Variants in WDR17 observed in about 807,000 individuals in gnomAD.
The protein encoded by WDR17 is WD repeat-containing protein 17.
Under a neutral mutation model 161.7 loss-of-function variants are expected in WDR17, and 143 were observed. That is an observed-to-expected ratio of 0.88 (90% confidence interval 0.77 to 1.02). The LOEUF (loss-of-function observed/expected upper bound fraction) is 1.02, where lower values mean the gene tolerates loss of function less well. WDR17 is among the 50% of genes least tolerant of loss of function. The pLI, the probability that WDR17 is intolerant of heterozygous loss-of-function variation, is 0.00. For synonymous variants in WDR17, 517 were observed against 515.6 expected, an observed-to-expected ratio of 1.00 and a Z score of -0.04; for missense variants, 1,469 against 1,520.9, an observed-to-expected ratio of 0.97 and a Z score of 0.57.
chr4:176,134,904 G>A (rs1349570259), intron 7 of WDR17, among the ~76,000 whole-genome samples: 4 of 151,586 alleles, frequency 2.6e-5, no homozygotes, highest in Non-Finnish European at 4.4e-5. Flanking sequence ...TAAAATCTAG[G>A]TCTGTACAAA....
chr4:176,124,190 A>G lies in WDR17; in HGVS notation c.539-914A>G, dbSNP rs536909170. Among the ~76,000 whole-genome samples, 6 of 152,332 alleles carry G rather than the reference A, an allele frequency of 3.9e-5. 1 individual carries two copies. Among genetic ancestry groups the G allele is most frequent in the African/African-American group, 1.4e-4 (6 of 41,580 alleles). Reference sequence around the variant, plus strand: ...TTTACGATACTTATGACTAATTGGTACTTTCTGTTAAGGCCGCAGTCTCTC... The same window carrying G: ...TTTACGATACTTATGACTAATTGGTGCTTTCTGTTAAGGCCGCAGTCTCTC... On this transcript the variant is annotated intron_variant, in intron 4 of 28. Coordinates refer to ENST00000508596, the MANE Select transcript of WDR17 (RefSeq NM_181265.4).
chr4:176,173,335 C>T lies in WDR17; in HGVS notation c.3313C>T (p.Arg1105Cys), dbSNP rs200432057. 75 of 1,612,714 alleles carry T rather than the reference C, an allele frequency of 4.7e-5. No homozygotes were observed. Among genetic ancestry groups the T allele is most frequent in the Admixed American group, 6.7e-5 (4 of 59,952 alleles). Residue 1105 changes from arginine to cysteine, a missense_variant, in exon 25 of 29, where the codon CGT becomes TGT. Coordinates refer to ENST00000508596, the MANE Select transcript of WDR17 (RefSeq NM_181265.4). ...TGTTCTTGACCTACTGAGCTATATT[C>T]GTACTGAAAAATTACTCTTGCATAC... ...YPVLDLLSYIRTEKLLLHTCT... is the reference protein window; with the variant it reads ...YPVLDLLSYICTEKLLLHTCT...
chr4:176,175,072 A>T (rs1474153758), intron 26 of WDR17, among the ~76,000 whole-genome samples: 1 of 152,064 alleles, frequency 6.6e-6, no homozygotes, highest in African/African-American at 2.4e-5. Context: ...TGAGTATCCC[A>T]TGGTTAGAAG....
intron 1 of WDR17, among the ~76,000 whole-genome samples, chr4:176,067,891 C>T (rs148887100): frequency 6.6e-6 from 1 of 152,218 alleles, no homozygotes; most frequent in East Asian, 1.9e-4. Flanking sequence ...ACTAGAAGTC[C>T]AACATGAATG....
intron 23 of WDR17, among the ~76,000 whole-genome samples, chr4:176,171,200 A>T (rs192611279): frequency 6.6e-6 from 1 of 152,342 alleles, no homozygotes; most frequent in Admixed American, 6.5e-5. Context: ...ATATTCACAT[A>T]TGAGGTACTT....
chr4:176,177,769 C>A, intron 28 of WDR17, 115 bp downstream of exon 28: 2 of 1,038,434 alleles, frequency 1.9e-6, no homozygotes, highest in South Asian at 3.5e-5. Flanking sequence ...GGACTGGGGT[C>A]CAGTAAGGAA....
intron 3 of WDR17, among the ~76,000 whole-genome samples, chr4:176,118,317 TA>T (rs1164723854): frequency 6.6e-6 from 1 of 152,232 alleles, no homozygotes; most frequent in Non-Finnish European, 1.5e-5. Flanking sequence ...ACCAGTATTC[TA>T]TTGTCTTTCC....
chr4:176,070,136 G>T (rs549135202), intron 1 of WDR17, among the ~76,000 whole-genome samples: 1 of 152,244 alleles, frequency 6.6e-6, no homozygotes, highest in Non-Finnish European at 1.5e-5. Flanking sequence ...TACTTCTGAA[G>T]CTTTACTTGG....
chr4:176,157,205 C>A (rs960582987), intron 18 of WDR17, among the ~76,000 whole-genome samples: 32 of 152,092 alleles, frequency 2.1e-4, no homozygotes, highest in Admixed American at 8.5e-4. Flanking sequence ...TTAATGCCTA[C>A]TATATGCCAA....
intron 1 of WDR17, among the ~76,000 whole-genome samples, chr4:176,072,012 T>A (rs900022760): frequency 3.9e-5 from 6 of 152,306 alleles, no homozygotes; most frequent in East Asian, 1.9e-4. Flanking sequence ...GAGTCCAAAG[T>A]AGAACTGCCA....
rs34451055 is a variant in WDR17 at position 176,152,595 on chromosome 4, CAAAAAAAAAAAAA to C, written c.2460+643_2460+655del. Among the ~76,000 whole-genome samples the C allele has an allele frequency of 2.4e-4, 9 of 37,248 alleles. 1 individual carries two copies. In the South Asian group the frequency reaches 5.6e-3, roughly 23 times the overall value. The allele number at this position is 37,248 out of a possible 152,430, so 24.4% of individuals were successfully genotyped here. A position where few individuals can be genotyped will look rare whatever the true frequency, so the allele number is the denominator to read the frequency against. ...TACTCCAGCCTGGGTAACTCCATCT[CAAAAAAAAAAAAA>C]AAAAAAAAAAAAAAGGGAAAGAAAT... On this transcript the variant is annotated intron_variant, in intron 17 of 28. Transcript: ENST00000508596.
intron 22 of WDR17, among the ~76,000 whole-genome samples, chr4:176,163,851 A>G (rs1420117960): frequency 1.3e-5 from 2 of 152,214 alleles, no homozygotes; most frequent in Admixed American, 6.5e-5. Context: ...CTTAAGTCAA[A>G]CAATCCATTA....
At chr4:176,098,524 T>C (rs1737261103) in intron 1 of WDR17, among the ~76,000 whole-genome samples, 1 of 151,952 alleles carries the variant, frequency 6.6e-6, no homozygotes, top group African/African-American at 2.4e-5. Context: ...CTGTTTTCTG[T>C]TTTTAGTAAT....
rs780093704 is a variant in WDR17, at chr4:176,174,726, A to T, written c.3449+8A>T. 6.3e-7 allele frequency: 1 copy of T among 1,584,778 alleles called. No homozygotes were observed. Among genetic ancestry groups the T allele is most frequent in the Admixed American group, 1.7e-5 (1 of 57,890 alleles). The stretch of plus-strand genomic sequence containing the variant: ...ACTTTATGAGTACACAAGGTAAAAA[A>T]GGTTTTTTCCTCCATCATGACATTA... On this transcript the variant is annotated splice_region_variant and intron_variant, in intron 26 of 28. Transcript: ENST00000508596.
chr4:176,103,272 C>T (rs1554019264), intron 1 of WDR17, among the ~76,000 whole-genome samples: 1 of 152,014 alleles, frequency 6.6e-6, no homozygotes, highest in Non-Finnish European at 1.5e-5. Context: ...TGAGGATGAT[C>T]CTTGACACAG....
At chr4:176,157,396 A>G (rs547148743) in intron 18 of WDR17, among the ~76,000 whole-genome samples, 1 of 152,332 alleles carries the variant, frequency 6.6e-6, no homozygotes, top group Non-Finnish European at 1.5e-5. Flanking sequence ...AGAAGGATTA[A>G]CACATTTGCC....
Position 176,075,199 on chromosome 4 carries a change from A to C in WDR17, c.-7+9120A>C, listed in dbSNP as rs557459524. ...TTCAATTTTATGATCTATTTTAACA[A>C]AAAAAATTCAAGATTTTGTTTCATA... is the stretch of plus-strand genomic sequence containing the variant. On this transcript the variant is annotated intron_variant, in intron 1 of 28. Transcript: ENST00000508596. Among the ~76,000 whole-genome samples the C allele has an allele frequency of 6.5e-3, 248 of 37,870 alleles. 8 individuals carry two copies. Among genetic ancestry groups the C allele is most frequent in the Admixed American group, 0.047 (247 of 5,232 alleles). 24.8% of individuals were successfully genotyped at this position (37,870 alleles called of 152,430 possible). A position where few individuals can be genotyped will look rare whatever the true frequency, so the allele number is the denominator to read the frequency against.
intron 18 of WDR17, 111 bp from the exon 19 acceptor site, chr4:176,159,883 A>G (rs1748764652): frequency 1.1e-5 from 12 of 1,070,594 alleles, no homozygotes; most frequent in Non-Finnish European, 1.5e-5. Flanking sequence ...GGTATGCCAA[A>G]GGGCTTTATG....
intron 1 of WDR17, among the ~76,000 whole-genome samples, chr4:176,082,822 C>A (rs544426901): frequency 9.2e-5 from 14 of 151,934 alleles, no homozygotes; most frequent in Admixed American, 6.6e-5. Flanking sequence ...AATTTATTTA[C>A]TTTAAGTCTT....
Sources: allele counts gnomAD v4.1 joint callset (sites outside exome capture counted in the v4.1 genomes callset), GRCh38; gene constraint gnomAD v4.1.1; transcripts MANE v1.5; gene names NCBI Gene and HGNC (gene_info 2026-07-23, HGNC 2026-07-21).